Variants in BCAR3 observed in about 807,000 individuals in gnomAD.
The protein encoded by BCAR3 is breast cancer anti-estrogen resistance protein 3.
Under a neutral mutation model 80.1 loss-of-function variants are expected in BCAR3, and 37 were observed. The observed-to-expected ratio is 0.46, with a 90% CI of 0.36 to 0.61. The LOEUF (loss-of-function observed/expected upper bound fraction) is 0.61. Ranked by LOEUF, BCAR3 falls within the 20% of genes least tolerant of loss-of-function variation. The pLI, the probability that BCAR3 is intolerant of heterozygous loss-of-function variation, is 0.00. For synonymous variants in BCAR3, 389 were observed against 418.9 expected, an observed-to-expected ratio of 0.93 and a Z score of 0.87; for missense variants, 978 against 1,068.2, an observed-to-expected ratio of 0.92 and a Z score of 1.18.
intron 3 of BCAR3, among the ~76,000 whole-genome samples, chr1:93,596,793 G>C (rs1288668807): frequency 2.0e-5 from 3 of 152,178 alleles, no homozygotes; most frequent in Non-Finnish European, 4.4e-5. Context: ...GTTTTGTCTT[G>C]AGGGGAAGGA....
At chr1:93,675,466 A>G (rs1174075671) in intron 1 of BCAR3, among the ~76,000 whole-genome samples, 1 of 152,196 alleles carries the variant, frequency 6.6e-6, no homozygotes, top group African/African-American at 2.4e-5. Flanking sequence ...TTATAAATAA[A>G]TCAATGCACT....
intron 2 of BCAR3, chr1:93,845,504 AACT>A (rs1655144048): frequency 1.6e-5 from 1 of 63,724 alleles, no homozygotes; most frequent in Non-Finnish European, 4.2e-5. Context: ...ATATATATAA[AACT>A]TTGTTTACAT....
At chr1:93,641,872 A>G (rs1053821377) in intron 3 of BCAR3, among the ~76,000 whole-genome samples, 1 of 152,194 alleles carries the variant, frequency 6.6e-6, no homozygotes, top group Admixed American at 6.5e-5. Flanking sequence ...ACTTGGCAGC[A>G]AACTCATTTG....
At chr1:93,597,788 G>T (rs1355067978) in intron 3 of BCAR3, among the ~76,000 whole-genome samples, 1 of 152,226 alleles carries the variant, frequency 6.6e-6, no homozygotes, top group Non-Finnish European at 1.5e-5. Flanking sequence ...AAGGAAAGCA[G>T]CCTGGAGCCT....
At position 93,773,431 on chromosome 1, in the gene BCAR3, C is replaced by G. The variant is rs149168932; in HGVS notation, c.-62-67289G>C. On this transcript the variant is annotated intron_variant, in intron 2 of 13. Coordinates refer to the BCAR3 transcript ENST00000370244. Reference sequence around the variant, plus strand: ...GGGAGACTGGACAGGAAATGGGACACCCCTGTGCAGGTGGGAAGGGGAGGG... The same window carrying G: ...GGGAGACTGGACAGGAAATGGGACAGCCCTGTGCAGGTGGGAAGGGGAGGG... Among the ~76,000 whole-genome samples the G allele has an allele frequency of 2.7e-3, 417 of 152,300 alleles. 1 individual carries two copies. Among genetic ancestry groups the G allele is most frequent in the African/African-American group, 9.9e-3 (410 of 41,564 alleles).
rs569742574 is a variant in BCAR3, at chr1:93,611,571, A to G, written c.358-19178T>C. Among the ~76,000 whole-genome samples, 3 of 152,272 alleles carry G rather than the reference A, an allele frequency of 2.0e-5. No individual in the cohort carries two copies. In the East Asian group the frequency reaches 5.8e-4, roughly 29 times the overall value. ...CCTCAACATGGCTGGAACATCTTGTATTTGGCCCCAACTCTATGAGGGCCA... is the reference window on the plus strand; with the variant it reads ...CCTCAACATGGCTGGAACATCTTGTGTTTGGCCCCAACTCTATGAGGGCCA... On this transcript the variant is annotated intron_variant, in intron 3 of 11. Coordinates refer to ENST00000260502, the MANE Select transcript of BCAR3 (RefSeq NM_003567.4).
At position 93,562,084 on chromosome 1, in the gene BCAR3, G is replaced by A; in HGVS notation, c.*157C>T. 4.8e-6 allele frequency: 3 copies of A among 621,030 alleles called. No individual in the cohort carries two copies. Among genetic ancestry groups the A allele is most frequent in the Non-Finnish European group, 7.7e-6 (3 of 391,750 alleles). The allele number at this position is 621,030 out of a possible 1,614,324, so 38.5% of individuals were successfully genotyped here. ...AACTTTAGACAATTCATAAATAAGT[G>A]TGCTCTGTGCAATTTACACGTTTAA... On this transcript the variant is annotated 3_prime_UTR_variant, in exon 12 of 12. Transcript: ENST00000260502.
At chr1:93,824,835 A>G (rs1194833995) in intron 2 of BCAR3, among the ~76,000 whole-genome samples, 2 of 133,892 alleles carry the variant, frequency 1.5e-5, no homozygotes, top group African/African-American at 5.0e-5. Context: ...CTTAATTTGG[A>G]TTTAACCAAG....
chr1:93,727,432 G>T (rs1650632737), intron 2 of BCAR3, among the ~76,000 whole-genome samples: 1 of 152,192 alleles, frequency 6.6e-6, no homozygotes, highest in South Asian at 2.1e-4. Context: ...GACTGGGAGA[G>T]AACTTAGGGA....
At chr1:93,694,370 C>G (rs1256068365) in intron 3 of BCAR3, among the ~76,000 whole-genome samples, 2 of 149,642 alleles carry the variant, frequency 1.3e-5, no homozygotes, top group African/African-American at 4.9e-5. Flanking sequence ...ACCGTGGGAT[C>G]CCGGCTACTG....
intron 5 of BCAR3, chr1:93,584,836 C>T: frequency 2.8e-6 from 1 of 362,016 alleles, no homozygotes; most frequent in South Asian, 1.1e-4. Flanking sequence ...CTGGGAATTT[C>T]TCCAGCACCA....
chr1:93,613,204 T>C (rs1331865462), intron 3 of BCAR3, among the ~76,000 whole-genome samples: 1 of 152,200 alleles, frequency 6.6e-6, no homozygotes, highest in Non-Finnish European at 1.5e-5. Context: ...TCTTAATTCC[T>C]AGTGCGTCAC....
intron 2 of BCAR3, among the ~76,000 whole-genome samples, chr1:93,645,801 T>G (rs528473164): frequency 6.6e-6 from 1 of 151,526 alleles, no homozygotes; most frequent in Non-Finnish European, 1.5e-5. Context: ...CTAAATTTAT[T>G]TTAATTTCCC....
At chr1:93,800,206 TG>T (rs552615295) in intron 2 of BCAR3, among the ~76,000 whole-genome samples, 31 of 152,162 alleles carry the variant, frequency 2.0e-4, no homozygotes, top group Non-Finnish European at 4.4e-4. Flanking sequence ...ATATCCATAT[TG>T]GGGTAGCTGT....
intron 2 of BCAR3, among the ~76,000 whole-genome samples, chr1:93,665,971 A>G (rs766353847): frequency 6.6e-6 from 1 of 152,120 alleles, no homozygotes; most frequent in Non-Finnish European, 1.5e-5. Flanking sequence ...CCTGCAAACT[A>G]TATCTCGAAT....
chr1:93,697,527 T>C (rs1649460239), intron 3 of BCAR3, among the ~76,000 whole-genome samples: 1 of 152,140 alleles, frequency 6.6e-6, no homozygotes, highest in South Asian at 2.1e-4. Flanking sequence ...CCATCAGCCT[T>C]GGATAGGTGG....
intron 3 of BCAR3, chr1:93,599,427 A>C (rs1206428904): frequency 6.6e-6 from 1 of 152,250 alleles, no homozygotes; most frequent in Non-Finnish European, 1.5e-5. Flanking sequence ...TTGTGACCAA[A>C]GCAGTCCTGA....
intron 2 of BCAR3, among the ~76,000 whole-genome samples, chr1:93,737,898 T>C (rs967707500): frequency 2.6e-5 from 4 of 152,210 alleles, no homozygotes; most frequent in Non-Finnish European, 5.9e-5. Flanking sequence ...AGTGATGTGA[T>C]CATAGCTCAC....
In BCAR3 at chr1:93,648,360, A is replaced by G. The variant is rs189933017; in HGVS notation, c.318-6017T>C. Among the ~76,000 whole-genome samples the G allele has an allele frequency of 2.2e-3, 329 of 152,296 alleles. 1 individual carries two copies. Among genetic ancestry groups the G allele is most frequent in the Admixed American group, 6.3e-3 (97 of 15,304 alleles). On this transcript the variant is annotated intron_variant, in intron 2 of 11. Coordinates refer to ENST00000260502, the MANE Select transcript of BCAR3 (RefSeq NM_003567.4). ...AAATGGTTTGATCTTGGTAAATGGTAAAAGTACCAAAAGCTACTCTTGGTA... is the reference window on the plus strand; with the variant it reads ...AAATGGTTTGATCTTGGTAAATGGTGAAAGTACCAAAAGCTACTCTTGGTA...
Sources: gnomAD v4.1 joint callset for allele counts (sites outside exome capture counted in the v4.1 genomes callset) on GRCh38, gnomAD v4.1.1 for gene constraint, MANE v1.5 for transcripts, NCBI Gene and HGNC (gene_info 2026-07-23, HGNC 2026-07-21) for gene names.